MSRA: variants seen among roughly 807,000 people sequenced by gnomAD.
MSRA encodes the protein methionine sulfoxide reductase A.
MSRA carries 54 observed loss-of-function variants against 31.3 expected under a neutral mutation model. The ratio of observed to expected loss-of-function variants is 1.73; its 90% CI spans 1.39 to 2.17. MSRA has a LOEUF of 2.17. Ranked by LOEUF, MSRA falls within the 30% of genes most tolerant of loss-of-function variation. The pLI is 0.00. For missense variants in MSRA, 507 were observed against 300.9 expected (o/e 1.69, Z -5.07); for synonymous variants, 169 against 116.5 (o/e 1.45, Z -2.90).
At chr8:10,224,919 A>G (rs944245583) in intron 2 of MSRA, among the ~76,000 whole-genome samples, 2 of 152,152 alleles carry the variant, frequency 1.3e-5, no homozygotes, top group African/African-American at 4.8e-5. Flanking sequence ...TGGGAGGATC[A>G]CCTGAGGTCA....
intron 1 of MSRA, among the ~76,000 whole-genome samples, chr8:10,122,786 A>G (rs956456741): frequency 6.6e-6 from 1 of 152,060 alleles, no homozygotes; most frequent in African/African-American, 2.4e-5. Context: ...AACATGAGGT[A>G]TTTGGTTTCC....
chr8:10,092,640 C>CT (rs1798914124), intron 1 of MSRA, among the ~76,000 whole-genome samples: 1 of 98,948 alleles, frequency 1.0e-5, no homozygotes, highest in East Asian at 2.8e-4. Context: ...GAGATTCTGT[C>CT]TCAAAAAAAA....
At chr8:10,117,704 G>A (rs1365777047) in intron 1 of MSRA, among the ~76,000 whole-genome samples, 1 of 152,130 alleles carries the variant, frequency 6.6e-6, no homozygotes, top group South Asian at 2.1e-4. Flanking sequence ...TACATTTCAG[G>A]GTCTTTTTGA....
chr8:10,095,560 G>A (rs1799094586), intron 1 of MSRA: 4 of 985,744 alleles, frequency 4.1e-6, no homozygotes, highest in Non-Finnish European at 4.8e-6. Flanking sequence ...AAGAGTGAGA[G>A]AGAGAAAGAG....
In MSRA at chr8:10,153,156, G is replaced by A. The variant is rs867906097; in HGVS notation, c.143-54677G>A. ...ATGGTTACGATGGTAAATTTAATATGAGGTGTCTTTCACCACAATTACAAA... is the reference window on the plus strand; with the variant it reads ...ATGGTTACGATGGTAAATTTAATATAAGGTGTCTTTCACCACAATTACAAA... On this transcript the variant is annotated intron_variant, in intron 1 of 5. Transcript: ENST00000317173. Among the ~76,000 whole-genome samples the A allele has an allele frequency of 3.9e-5, 6 of 152,170 alleles. No individual in the cohort carries two copies. In the South Asian group the frequency reaches 6.2e-4, roughly 16 times the overall value.
At position 10,229,768 on chromosome 8, in the gene MSRA, C is replaced by T. The variant is rs144599406; in HGVS notation, c.212-15336C>T. ...AGGCCACACAGTAAGTGTTTCAGCA[C>T]GTAAGTCTGATGGAAATATGCCCCA... On this transcript the variant is annotated intron_variant, in intron 2 of 5. Transcript: ENST00000317173. 1.8e-3 allele frequency among the ~76,000 whole-genome samples: 269 copies of T among 152,250 alleles called. 2 individuals carry two copies. Among genetic ancestry groups the T allele is most frequent in the African/African-American group, 6.1e-3 (252 of 41,540 alleles).
intron 1 of MSRA, among the ~76,000 whole-genome samples, chr8:10,184,755 A>G (rs562425970): frequency 1.3e-5 from 2 of 152,188 alleles, no homozygotes; most frequent in African/African-American, 4.8e-5. Context: ...ATCTAGATTC[A>G]GAAAAGTTAG....
intron 1 of MSRA, among the ~76,000 whole-genome samples, chr8:10,141,070 C>T (rs1318335843): frequency 6.6e-6 from 1 of 152,122 alleles, no homozygotes; most frequent in Non-Finnish European, 1.5e-5. Context: ...TTGTAGAGGG[C>T]CTGTTCTGTC....
intron 5 of MSRA, among the ~76,000 whole-genome samples, chr8:10,416,266 G>C (rs1165955147): frequency 6.6e-6 from 1 of 152,194 alleles, no homozygotes; most frequent in Admixed American, 6.5e-5. Context: ...AACAATTGTC[G>C]AGATTCATTC....
Position 10,258,270 on chromosome 8 carries a change from A to G in MSRA, c.331+13047A>G, listed in dbSNP as rs192595695. ...TGCTGTGTCTCTCTCAAAGAGAACA[A>G]GAAAGTACAAGTCACTACAATGAAA... On this transcript the variant is annotated intron_variant, in intron 3 of 5. Coordinates refer to ENST00000317173, the MANE Select transcript of MSRA (RefSeq NM_012331.5). 3.9e-3 allele frequency among the ~76,000 whole-genome samples: 598 copies of G among 152,334 alleles called. 7 individuals carry two copies. The highest frequency in any genetic ancestry group is 0.02 in the Middle Eastern group (6 of 294).
chr8:10,133,399 C>T (rs975100944), intron 1 of MSRA, among the ~76,000 whole-genome samples: 13 of 152,178 alleles, frequency 8.5e-5, no homozygotes, highest in Non-Finnish European at 1.6e-4. Context: ...CAGGGCCAGC[C>T]ACTGCTTGGC....
At chr8:10,321,350 G>A (rs901976342) in intron 5 of MSRA, among the ~76,000 whole-genome samples, 1 of 152,140 alleles carries the variant, frequency 6.6e-6, no homozygotes, top group Non-Finnish European at 1.5e-5. Context: ...GCAGAGACGA[G>A]GAGGCTGTAA....
At chr8:10,274,763 T>C (rs972954688) in intron 3 of MSRA, among the ~76,000 whole-genome samples, 15 of 151,876 alleles carry the variant, frequency 9.9e-5, no homozygotes, top group African/African-American at 3.6e-4. Context: ...CCATCCACCA[T>C]CATCCATTCA....
intron 1 of MSRA, among the ~76,000 whole-genome samples, chr8:10,064,343 A>G (rs1225470251): frequency 2.0e-5 from 3 of 151,852 alleles, no homozygotes; most frequent in East Asian, 1.9e-4. Flanking sequence ...GAAAGGGGAC[A>G]TAGGCTTTTG....
At chr8:10,291,418 G>A (rs200134997) in intron 3 of MSRA, among the ~76,000 whole-genome samples, 1 of 150,612 alleles carries the variant, frequency 6.6e-6, no homozygotes. Flanking sequence ...TGAGACAAAA[G>A]AAAAAAAAAA....
intron 1 of MSRA, among the ~76,000 whole-genome samples, chr8:10,072,020 C>G (rs1170709989): frequency 1.3e-5 from 2 of 152,120 alleles, no homozygotes; most frequent in African/African-American, 4.8e-5. Flanking sequence ...ACGAGCACCC[C>G]TTTTGTACTG....
chr8:10,183,657 C>CT (rs1484102443), intron 1 of MSRA, among the ~76,000 whole-genome samples: 2 of 152,144 alleles, frequency 1.3e-5, no homozygotes, highest in African/African-American at 4.8e-5. Flanking sequence ...CCCACACTTT[C>CT]TTTTTTCAAT....
At chr8:10,090,031 A>G (rs1798779117) in intron 1 of MSRA, among the ~76,000 whole-genome samples, 1 of 152,208 alleles carries the variant, frequency 6.6e-6, no homozygotes, top group South Asian at 2.1e-4. Flanking sequence ...AAACCACAGC[A>G]GCATGAAAGG....
intron 4 of MSRA, among the ~76,000 whole-genome samples, chr8:10,317,903 C>T (rs1222347615): frequency 6.6e-6 from 1 of 152,150 alleles, no homozygotes; most frequent in Non-Finnish European, 1.5e-5. Flanking sequence ...CCACGCATCT[C>T]TGGTCCCCAC....
Sources: allele counts gnomAD v4.1 joint callset (sites outside exome capture counted in the v4.1 genomes callset), GRCh38; gene constraint gnomAD v4.1.1; transcripts MANE v1.5; gene names NCBI Gene and HGNC (gene_info 2026-07-23, HGNC 2026-07-21).